The following ZHX1 variants were observed in gnomAD, a reference collection of about 807,000 sequenced individuals.
The protein encoded by ZHX1 is zinc fingers and homeoboxes protein 1.
ZHX1 carries 20 observed loss-of-function variants against 61.8 expected under a neutral mutation model. The ratio of observed to expected loss-of-function variants is 0.32; its 90% confidence interval spans 0.23 to 0.47. The LOEUF is 0.47. Ranked by LOEUF, ZHX1 falls within the 20% of genes least tolerant of loss-of-function variation. ZHX1 has a pLI of 1.00. For missense variants in ZHX1, 800 were observed against 1,034.8 expected (o/e 0.77, Z 3.11); for synonymous variants, 318 against 352.6 (o/e 0.90, Z 1.10).
intron 1 of ZHX1, among the ~76,000 whole-genome samples, chr8:123,268,188 A>G (rs1826526464): frequency 6.6e-6 from 1 of 152,216 alleles, no homozygotes; most frequent in East Asian, 1.9e-4. Context: ...AAAACAAGTT[A>G]AACAAACTAG....
At position 123,254,747 on chromosome 8, in the gene ZHX1, T is replaced by C. The variant is rs143388965; in HGVS notation, c.1200A>G (p.Gln400=). 2.0e-5 allele frequency: 33 copies of C among 1,614,200 alleles called. No individual in the cohort carries two copies. The highest frequency in any genetic ancestry group is 4.4e-5 in the South Asian group (4 of 91,090). ...CTGGCAAGGTGTTTGTTCCAGCCAC[T>C]TGAGTAAGGACCAGACCAGGCTGAC... ...IVGQPGLVLT[Q]VAGTNTLPVT... Residue 400 remains glutamine (Q), a synonymous_variant, in exon 3 of 4, where the codon CAA becomes CAG. Coordinates refer to ENST00000395571, the MANE Select transcript of ZHX1 (RefSeq NM_007222.5). The surrounding 1 kb of genome is among the most constrained non-coding windows in gnomAD (Gnocchi z 4.1).
intron 1 of ZHX1, chr8:123,273,682 C>T (rs1400665297): frequency 1.3e-5 from 2 of 152,610 alleles, no homozygotes; most frequent in African/African-American, 4.8e-5. Flanking sequence ...GAGAATCTCT[C>T]CTTACTCTCA....
At position 123,255,157 on chromosome 8, in the gene ZHX1, T is replaced by C. The variant is rs765411034; in HGVS notation, c.790A>G (p.Ile264Val). Residue 264 changes from isoleucine (I) to valine (V), a missense_variant, in exon 3 of 4, where the codon ATA (isoleucine) becomes GTA (valine). Physicochemically the swap from Ile to Val is conservative, Grantham distance 29. Transcript: ENST00000395571. ...AAVLPGLAQVITAVSAQQNSN... is the reference protein window; with the variant it reads ...AAVLPGLAQVVTAVSAQQNSN... Reference sequence around the variant, plus strand: ...TTCTGCTGAGCAGATACAGCAGTTATCACCTGTGCCAATCCAGGAAGAACT... The same window carrying C: ...TTCTGCTGAGCAGATACAGCAGTTACCACCTGTGCCAATCCAGGAAGAACT... 1.9e-6 allele frequency: 3 copies of C among 1,614,208 alleles called. No individual in the cohort carries two copies. The highest frequency in any genetic ancestry group is 1.1e-5 in the South Asian group (1 of 91,084).
At chr8:123,266,837 C>G (rs1826474983) in intron 2 of ZHX1, among the ~76,000 whole-genome samples, 1 of 151,984 alleles carries the variant, frequency 6.6e-6, no homozygotes, top group Non-Finnish European at 1.5e-5. Flanking sequence ...TTATTAGTAG[C>G]CTACGTTTTG....
In ZHX1 at chr8:123,254,225, C is replaced by G; in HGVS notation, c.1722G>C (p.Glu574Asp). Residue 574 changes from glutamate to aspartate, a missense_variant, in exon 3 of 4, where the codon GAG becomes GAC. Transcript: ENST00000395571. The surrounding 1 kb of genome is among the most constrained non-coding windows in gnomAD (Gnocchi z 4.1). Reference protein sequence around the residue: ...FPDFTPQKFKEKTAEQLRVLQ... With the variant: ...FPDFTPQKFKDKTAEQLRVLQ... ...GGACACGAAGCTGCTCTGCAGTTTT[C>G]TCTTTAAACTTTTGGGGAGTAAAGT... 1 of 1,614,140 alleles carries G rather than the reference C, an allele frequency of 6.2e-7. No homozygotes were observed. Among genetic ancestry groups the G allele is most frequent in the Non-Finnish European group, 8.5e-7 (1 of 1,180,036 alleles).
rs941990224 is a variant in ZHX1, at chr8:123,249,848, T to TTTG, written c.*475_*476insCAA. 1 of 151,648 alleles carries TTTG rather than the reference T, an allele frequency of 6.6e-6. No homozygotes were observed. The highest frequency in any genetic ancestry group is 2.4e-5 in the African/African-American group (1 of 41,180). The allele number at this position is 151,648 out of a possible 1,614,324, so 9.4% of individuals were successfully genotyped here. On this transcript the variant is annotated 3_prime_UTR_variant, in exon 4 of 4. Transcript: ENST00000395571. The stretch of plus-strand genomic sequence containing the variant: ...AGTAATAAATCAGGGTTTTTTTTTT[T>TTTG]TTTTTTTTTTTACCCATTTCTAACA...
intron 2 of ZHX1, among the ~76,000 whole-genome samples, chr8:123,261,634 GA>G (rs1826272758): frequency 6.6e-6 from 1 of 152,188 alleles, no homozygotes; most frequent in Non-Finnish European, 1.5e-5. Context: ...GAGGCTTCTA[GA>G]AAAGAAGCAG....
rs1229628538 is a variant in ZHX1, at chr8:123,253,970, C to T, written c.1977G>A (p.Gly659=). 6.2e-7 allele frequency: 1 copy of T among 1,614,016 alleles called. No individual in the cohort carries two copies. Residue 659 remains glycine, a synonymous_variant, in exon 3 of 4, where the codon GGG becomes GGA. Transcript: ENST00000395571. ...TTTTTTTACATATCTTGCCTGTACT[C>T]CCTGACTTAGGTGCACCAGATTCAT... is the stretch of plus-strand genomic sequence containing the variant. The part of the protein sequence containing the change: ...PADESGAPKS[G]STGKICKKTP...
intron 2 of ZHX1, among the ~76,000 whole-genome samples, chr8:123,258,711 G>A (rs1826153595): frequency 1.3e-5 from 2 of 152,056 alleles, no homozygotes; most frequent in South Asian, 4.1e-4. Flanking sequence ...ATAGAGAACA[G>A]TATCTGAAAT....
intron 3 of ZHX1, 151 bp downstream of exon 3, chr8:123,253,171 T>G (rs1309278288): frequency 5.4e-6 from 3 of 558,862 alleles, no homozygotes. Context: ...ATTTATCTCT[T>G]AGCTATACTA....
At chr8:123,273,212 A>G (rs1826714758) in intron 1 of ZHX1, among the ~76,000 whole-genome samples, 1 of 152,148 alleles carries the variant, frequency 6.6e-6, no homozygotes, top group Admixed American at 6.5e-5. Context: ...ACAGTTACCC[A>G]CGGAGGAGAG....
intron 2 of ZHX1, among the ~76,000 whole-genome samples, chr8:123,264,734 T>C (rs1163004833): frequency 2.7e-5 from 4 of 150,822 alleles, no homozygotes; most frequent in African/African-American, 9.7e-5. Context: ...ATTTTTGTAT[T>C]TTTTTTAGTA....
intron 1 of ZHX1, among the ~76,000 whole-genome samples, chr8:123,269,538 A>G (rs1826574017): frequency 6.6e-6 from 1 of 152,232 alleles, no homozygotes; most frequent in African/African-American, 2.4e-5. Flanking sequence ...CTGTTCTGGT[A>G]GTAGATGGAT....
chr8:123,254,192 T>C lies in ZHX1; in HGVS notation c.1755A>G (p.Ala585=). The C allele has an allele frequency of 6.2e-7, 1 of 1,614,172 alleles. No individual in the cohort carries two copies. ...TAAGTACAGAGCTGTTGAGAAAACT[T>C]GCCTGAAGGACACGAAGCTGCTCTG... ...KTAEQLRVLQ[A]SFLNSSVLTD... Residue 585 remains alanine, a synonymous_variant, in exon 3 of 4, where the codon GCA becomes GCG. Transcript: ENST00000395571. The surrounding 1 kb of genome is among the most constrained non-coding windows in gnomAD (Gnocchi z 4.1).
intron 3 of ZHX1, among the ~76,000 whole-genome samples, chr8:123,251,071 G>A (rs975487308): frequency 6.6e-6 from 1 of 152,160 alleles, no homozygotes; most frequent in Non-Finnish European, 1.5e-5. Flanking sequence ...CCTGGTGGGA[G>A]GTGACTGAAT....
chr8:123,248,931 T>C lies in ZHX1; in HGVS notation c.*1393A>G, dbSNP rs570734256. ...TGTCTGAGTGAGGAAATCAGCTACATTGCAGCATTTTGGAATTACTAATAA... is the reference window on the plus strand; with the variant it reads ...TGTCTGAGTGAGGAAATCAGCTACACTGCAGCATTTTGGAATTACTAATAA... On this transcript the variant is annotated 3_prime_UTR_variant, in exon 4 of 4. Transcript: ENST00000395571. The C allele has an allele frequency of 6.6e-6, 1 of 152,656 alleles. No homozygotes were observed. Among genetic ancestry groups the C allele is most frequent in the Non-Finnish European group, 1.5e-5 (1 of 67,994 alleles). The allele number at this position is 152,656 out of a possible 1,614,324, so 9.5% of individuals were successfully genotyped here. A position where few individuals can be genotyped will look rare whatever the true frequency, so the allele number is the denominator to read the frequency against.
chr8:123,261,824 T>A (rs1319208803), intron 2 of ZHX1, among the ~76,000 whole-genome samples: 1 of 152,204 alleles, frequency 6.6e-6, no homozygotes, highest in Non-Finnish European at 1.5e-5. Context: ...CACTTTTTTT[T>A]AGCAACTTAA....
At chr8:123,265,534 A>T (rs1488427533) in intron 2 of ZHX1, among the ~76,000 whole-genome samples, 4 of 152,236 alleles carry the variant, frequency 2.6e-5, no homozygotes, top group Non-Finnish European at 5.9e-5. Flanking sequence ...TGTTAAAAAA[A>T]ATAAAGGTGA....
rs944694579 is a variant in ZHX1, at chr8:123,274,232, C to G, written c.-355G>C. On this transcript the variant is annotated 5_prime_UTR_variant, in exon 1 of 4. Coordinates refer to ENST00000395571, the MANE Select transcript of ZHX1 (RefSeq NM_007222.5). The stretch of plus-strand genomic sequence containing the variant: ...GCGCCACTACCTGCAGGGGCCGCCG[C>G]GCCTCTCAGCGCCACGCCGCCGCCA... 3.9e-5 allele frequency: 6 copies of G among 153,624 alleles called. No individual in the cohort carries two copies. Among genetic ancestry groups the G allele is most frequent in the African/African-American group, 1.4e-4 (6 of 41,486 alleles). 9.5% of individuals were successfully genotyped at this position (153,624 alleles called of 1,614,324 possible). A position where few individuals can be genotyped will look rare whatever the true frequency, so the allele number is the denominator to read the frequency against.
Sources: gnomAD v4.1 joint callset for allele counts (sites outside exome capture counted in the v4.1 genomes callset) on GRCh38, gnomAD v4.1.1 for gene constraint, Gnocchi (gnomAD v3.1) non-coding constraint, MANE v1.5 for transcripts, NCBI Gene and HGNC (gene_info 2026-07-23, HGNC 2026-07-21) for gene names.